Variants in SAMD12 observed in about 807,000 individuals in gnomAD.
SAMD12 encodes sterile alpha motif domain containing 12.
In SAMD12, 9 loss-of-function variants were observed where a neutral mutation model predicts 15.0. The ratio of observed to expected loss-of-function variants is 0.60; its 90% CI spans 0.36 to 1.05. The LOEUF is 1.05. Ranked by LOEUF, SAMD12 falls within the 50% of genes least tolerant of loss-of-function variation. The probability of loss-of-function intolerance (pLI) is 0.01; values close to 1 mark genes in which losing one functional copy is unlikely to be tolerated. For synonymous variants in SAMD12, 86 were observed against 90.1 expected, an observed-to-expected ratio of 0.96 and a Z score of 0.25; for missense variants, 230 against 234.2, an observed-to-expected ratio of 0.98 and a Z score of 0.12.
At chr8:118,243,087 A>G (rs1337874490) in intron 4 of SAMD12, among the ~76,000 whole-genome samples, 1 of 152,156 alleles carries the variant, frequency 6.6e-6, no homozygotes, top group Non-Finnish European at 1.5e-5. Flanking sequence ...GGTAGTAGGT[A>G]AGTAAAATGT....
chr8:118,146,187 A>C, the SAMD12 span, among the ~76,000 whole-genome samples: 1 of 152,190 alleles, frequency 6.6e-6, no homozygotes, highest in Non-Finnish European at 1.5e-5. Flanking sequence ...AGTTAGCCAA[A>C]TGAAGGAGGC....
At chr8:118,518,840 G>T (rs1825315296) in intron 2 of SAMD12, among the ~76,000 whole-genome samples, 2 of 152,234 alleles carry the variant, frequency 1.3e-5, no homozygotes, top group African/African-American at 4.8e-5. Flanking sequence ...ATGCACAGCT[G>T]TGTCTTCTTT....
intron 2 of SAMD12, among the ~76,000 whole-genome samples, chr8:118,533,910 T>C (rs1004255081): frequency 6.6e-6 from 1 of 152,222 alleles, no homozygotes; most frequent in African/African-American, 2.4e-5. Context: ...TGCCAGTCTG[T>C]GTCTTTTAAT....
At chr8:118,218,893 GA>G (rs1486351623) in intron 4 of SAMD12, among the ~76,000 whole-genome samples, 2 of 152,120 alleles carry the variant, frequency 1.3e-5, no homozygotes, top group Non-Finnish European at 2.9e-5. Context: ...TTTAGGGGCT[GA>G]AAACTAGTGG....
the SAMD12 span, among the ~76,000 whole-genome samples, chr8:118,163,671 C>T: frequency 5.3e-5 from 8 of 151,844 alleles, no homozygotes; most frequent in African/African-American, 1.2e-4. Context: ...GTCAGGAGAT[C>T]GAGACCATCC....
chr8:118,508,315 G>C (rs1005868497), intron 2 of SAMD12, among the ~76,000 whole-genome samples: 1 of 151,948 alleles, frequency 6.6e-6, no homozygotes, highest in African/African-American at 2.4e-5. Flanking sequence ...CATCAACATG[G>C]CACATGTATA....
intron 3 of SAMD12, among the ~76,000 whole-genome samples, chr8:118,396,591 C>T (rs1451971033): frequency 6.6e-6 from 1 of 152,154 alleles, no homozygotes; most frequent in African/African-American, 2.4e-5. Flanking sequence ...ATACTATCAT[C>T]CTCATTTTAA....
At chr8:118,232,395 G>T (rs976219385) in intron 4 of SAMD12, among the ~76,000 whole-genome samples, 2 of 152,262 alleles carry the variant, frequency 1.3e-5, no homozygotes, top group East Asian at 3.9e-4. Context: ...CAGAAGTAAA[G>T]CCCAGGGCAA....
intron 1 of SAMD12, among the ~76,000 whole-genome samples, chr8:118,616,980 C>G (rs1385993417): frequency 1.3e-5 from 2 of 152,142 alleles, no homozygotes; most frequent in Non-Finnish European, 2.9e-5. Flanking sequence ...AAAACCATCC[C>G]CCATGGAAAA....
At chr8:118,142,833 A>G in the SAMD12 span, among the ~76,000 whole-genome samples, 1 of 152,226 alleles carries the variant, frequency 6.6e-6, no homozygotes, top group Admixed American at 6.5e-5. Flanking sequence ...ATCCTGTGTC[A>G]TAGAGCTAAT....
At chr8:118,374,765 G>A (rs889215712), downstream of SAMD12, among the ~76,000 whole-genome samples, 15 of 151,890 alleles carry the variant, frequency 9.9e-5, no homozygotes, top group Non-Finnish European at 1.5e-5. Flanking sequence ...TTGGCCATTT[G>A]CATACCCTTT....
At chr8:118,543,046 T>A (rs1178188850) in intron 2 of SAMD12, among the ~76,000 whole-genome samples, 1 of 151,542 alleles carries the variant, frequency 6.6e-6, no homozygotes, top group East Asian at 1.9e-4. Context: ...AGGAAAAAGA[T>A]GAGAAAAAAT....
chr8:118,617,280 C>T (rs900309630), intron 1 of SAMD12, among the ~76,000 whole-genome samples: 1 of 152,238 alleles, frequency 6.6e-6, no homozygotes, highest in Non-Finnish European at 1.5e-5. Flanking sequence ...GTGACTGCTT[C>T]TATTTGTCAC....
intron 3 of SAMD12, among the ~76,000 whole-genome samples, chr8:118,418,329 C>G (rs17829264): frequency 0.19 from 29,510 of 152,060 alleles, 3,389 homozygotes; most frequent in East Asian, 0.36. Flanking sequence ...TATTCCCTAG[C>G]CTTTCTTTTT....
chr8:118,445,487 A>G (rs1329740843), intron 2 of SAMD12, among the ~76,000 whole-genome samples: 1 of 152,150 alleles, frequency 6.6e-6, no homozygotes, highest in Non-Finnish European at 1.5e-5. Flanking sequence ...CTTAAACTTC[A>G]TGCCTCCTAA....
intron 2 of SAMD12, among the ~76,000 whole-genome samples, chr8:118,492,121 C>CTTT (rs1586760425): frequency 2.7e-5 from 3 of 112,580 alleles, no homozygotes; most frequent in Non-Finnish European, 5.2e-5. Context: ...ACTGGTGTTG[C>CTTT]CTTTTTTTTT....
At chr8:118,321,109 A>G (rs1816229951) in intron 4 of SAMD12, among the ~76,000 whole-genome samples, 2 of 139,664 alleles carry the variant, frequency 1.4e-5, no homozygotes, top group South Asian at 4.5e-4. Flanking sequence ...TATATAATAT[A>G]TATGATATAT....
intron 2 of SAMD12, among the ~76,000 whole-genome samples, chr8:118,574,982 C>G (rs569344709): frequency 2.0e-5 from 3 of 152,204 alleles, no homozygotes; most frequent in Non-Finnish European, 4.4e-5. Context: ...AGGTTAAGTA[C>G]AGTCAACCCT....
downstream of SAMD12, chr8:118,189,357 C>A (rs761573746): frequency 3.3e-5 from 5 of 152,142 alleles, no homozygotes; most frequent in Non-Finnish European, 7.4e-5. Flanking sequence ...ATGCTGTTAA[C>A]TTTTCTTTTT....
Sources: gnomAD v4.1 joint callset for allele counts (sites outside exome capture counted in the v4.1 genomes callset) on GRCh38, gnomAD v4.1.1 for gene constraint, MANE v1.5 for transcripts, NCBI Gene and HGNC (gene_info 2026-07-23, HGNC 2026-07-21) for gene names.